FSTL5: variants seen among roughly 807,000 people sequenced by gnomAD.
The protein encoded by FSTL5 is follistatin like 5, also known as follistatin-related protein 5.
FSTL5 carries 62 observed loss-of-function variants against 89.1 expected under a neutral mutation model. The observed-to-expected ratio is 0.70, with a 90% CI of 0.57 to 0.86. The LOEUF is 0.86. Ranked by LOEUF, FSTL5 falls within the 40% of genes least tolerant of loss-of-function variation. The pLI is 0.00. For synonymous variants in FSTL5, 383 were observed against 346.2 expected (o/e 1.11, Z -1.18); for missense variants, 1,057 against 1,001.6 (o/e 1.06, Z -0.75).
chr4:161,855,511 T>C (rs960415962), intron 4 of FSTL5, among the ~76,000 whole-genome samples: 1 of 152,126 alleles, frequency 6.6e-6, no homozygotes, highest in Non-Finnish European at 1.5e-5. Context: ...AGAAATTTGC[T>C]ATTAAGTATT....
At chr4:161,761,303 T>C (rs1056277781) in intron 5 of FSTL5, among the ~76,000 whole-genome samples, 6 of 152,184 alleles carry the variant, frequency 3.9e-5, no homozygotes, top group African/African-American at 1.4e-4. Flanking sequence ...GCAACAGAGC[T>C]CTCAGTCATT....
rs189698362 is a variant in FSTL5, at chr4:161,662,875, T to C, written c.728-6381A>G. Among the ~76,000 whole-genome samples, 12 of 152,266 alleles carry C rather than the reference T, an allele frequency of 7.9e-5. No homozygotes were observed. The East Asian group carries it at 1.9e-3, about 25-fold the overall frequency. On this transcript the variant is annotated intron_variant, in intron 6 of 15. Coordinates refer to ENST00000306100, the MANE Select transcript of FSTL5 (RefSeq NM_020116.5). ...AGACTGGAAAGAAAAAGAGGCTTAA[T>C]TGGACTTACAGTTCCACAGATTCTG...
At chr4:161,575,666 C>T (rs1357433240) in intron 8 of FSTL5, among the ~76,000 whole-genome samples, 2 of 152,006 alleles carry the variant, frequency 1.3e-5, no homozygotes, top group Non-Finnish European at 1.5e-5. Context: ...CTTGGCCAGG[C>T]TGGTCATGAA....
intron 2 of FSTL5, among the ~76,000 whole-genome samples, chr4:162,075,010 CATAACTT>C (rs1442892345): frequency 6.6e-6 from 1 of 151,590 alleles, no homozygotes; most frequent in Non-Finnish European, 1.5e-5. Context: ...AAGTAAAAAA[CATAACTT>C]ATAACCACAA....
chr4:161,846,969 A>G (rs1044871605), intron 4 of FSTL5, among the ~76,000 whole-genome samples: 2 of 152,172 alleles, frequency 1.3e-5, no homozygotes, highest in African/African-American at 4.8e-5. Context: ...TCTAGACCAC[A>G]TGTGATGTTC....
intron 15 of FSTL5, among the ~76,000 whole-genome samples, chr4:161,414,857 T>C (rs1731717029): frequency 6.6e-6 from 1 of 152,214 alleles, no homozygotes; most frequent in African/African-American, 2.4e-5. Flanking sequence ...TGGAGTTAGG[T>C]CTGGCTTTGA....
intron 6 of FSTL5, among the ~76,000 whole-genome samples, chr4:161,710,954 G>T (rs1305031991): frequency 6.6e-6 from 1 of 151,624 alleles, no homozygotes; most frequent in East Asian, 1.9e-4. Flanking sequence ...CATTCAAGAA[G>T]AAATCAAAAA....
At chr4:161,451,747 T>A (rs567013171) in intron 15 of FSTL5, among the ~76,000 whole-genome samples, 3 of 152,318 alleles carry the variant, frequency 2.0e-5, no homozygotes, top group African/African-American at 7.2e-5. Flanking sequence ...GCTGATAATG[T>A]GTTGGAGGCT....
At chr4:161,662,660 A>T (rs1293601771) in intron 6 of FSTL5, among the ~76,000 whole-genome samples, 3 of 152,168 alleles carry the variant, frequency 2.0e-5, no homozygotes, top group Non-Finnish European at 4.4e-5. Flanking sequence ...GAATGAGAAA[A>T]CAGAAAAAAA....
chr4:162,113,530 T>G (rs1013156576), intron 1 of FSTL5, among the ~76,000 whole-genome samples: 3 of 152,190 alleles, frequency 2.0e-5, no homozygotes, highest in Non-Finnish European at 4.4e-5. Flanking sequence ...TTAATAACTT[T>G]AGCATATTTT....
intron 3 of FSTL5, among the ~76,000 whole-genome samples, chr4:161,928,069 T>C (rs535787833): frequency 6.6e-6 from 1 of 151,818 alleles, no homozygotes; most frequent in Admixed American, 6.6e-5. Flanking sequence ...CTCCAAGTTT[T>C]ACCCTGAACC....
intron 15 of FSTL5, among the ~76,000 whole-genome samples, chr4:161,409,886 A>C (rs1731528844): frequency 6.6e-6 from 1 of 152,154 alleles, no homozygotes; most frequent in Non-Finnish European, 1.5e-5. Flanking sequence ...ATCAATACTA[A>C]CCTTGAATGT....
chr4:161,947,672 C>A (rs1163819700), intron 3 of FSTL5, among the ~76,000 whole-genome samples: 1 of 151,660 alleles, frequency 6.6e-6, no homozygotes, highest in Non-Finnish European at 1.5e-5. Flanking sequence ...TTTATTTCTT[C>A]ATTATATGTT....
At chr4:161,891,692 T>C (rs148320773) in intron 4 of FSTL5, among the ~76,000 whole-genome samples, 1 of 152,226 alleles carries the variant, frequency 6.6e-6, no homozygotes, top group African/African-American at 2.4e-5. Flanking sequence ...ATGATTGAAT[T>C]AGCAGTGGAT....
intron 6 of FSTL5, among the ~76,000 whole-genome samples, chr4:161,666,439 G>C (rs559134515): frequency 6.6e-6 from 1 of 152,224 alleles, no homozygotes; most frequent in African/African-American, 2.4e-5. Context: ...ACATGAACAA[G>C]AGTGTAAATG....
intron 8 of FSTL5, among the ~76,000 whole-genome samples, chr4:161,566,503 C>T (rs1235808334): frequency 6.6e-6 from 1 of 151,972 alleles, no homozygotes; most frequent in Non-Finnish European, 1.5e-5. Flanking sequence ...AATGGTAGTT[C>T]AAGTTTTAGT....
At chr4:161,422,918 C>T (rs1230988733) in intron 15 of FSTL5, among the ~76,000 whole-genome samples, 1 of 152,182 alleles carries the variant, frequency 6.6e-6, no homozygotes, top group Non-Finnish European at 1.5e-5. Flanking sequence ...ATTTATATTA[C>T]ACTTATTACC....
intron 6 of FSTL5, among the ~76,000 whole-genome samples, chr4:161,754,497 C>G (rs1020734029): frequency 2.4e-4 from 36 of 152,094 alleles, no homozygotes; most frequent in African/African-American, 8.7e-4. Flanking sequence ...TCATAATCCT[C>G]ATAAAATTTC....
chr4:161,418,291 C>G (rs942858494), intron 15 of FSTL5, among the ~76,000 whole-genome samples: 1 of 151,716 alleles, frequency 6.6e-6, no homozygotes, highest in Non-Finnish European at 1.5e-5. Flanking sequence ...TGAATTAGTG[C>G]GTTAGAAAAT....
Sources: gnomAD v4.1 joint callset for allele counts (sites outside exome capture counted in the v4.1 genomes callset) on GRCh38, gnomAD v4.1.1 for gene constraint, MANE v1.5 for transcripts, NCBI Gene and HGNC (gene_info 2026-07-23, HGNC 2026-07-21) for gene names.